Variants in YBX2 observed in about 807,000 individuals in gnomAD.
YBX2 encodes the protein Y-box-binding protein 2.
YBX2 carries 5 observed loss-of-function variants against 44.4 expected under a neutral mutation model. The ratio of observed to expected loss-of-function variants is 0.11; its 90% confidence interval spans 0.06 to 0.24. The LOEUF (loss-of-function observed/expected upper bound fraction) is 0.24. YBX2 is among the 10% of genes least tolerant of loss of function. The pLI is 1.00. For synonymous variants in YBX2, 188 were observed against 216.1 expected (o/e 0.87, Z 1.14); for missense variants, 417 against 526.9 (o/e 0.79, Z 2.04).
chr17:7,291,948 A>G lies in YBX2; in HGVS notation c.369+78T>C. On this transcript the variant is annotated intron_variant, in intron 3 of 8. Transcript: ENST00000007699. The surrounding 1 kb of genome is among the most constrained non-coding windows in gnomAD (Gnocchi z 5.8). ...AAGAAGAGCCAGAGAAACATGGCGG[A>G]GCGCACTGCTAAGGATTACAGCAAA... 6.4e-7 allele frequency: 1 copy of G among 1,565,692 alleles called. No homozygotes were observed. The highest frequency in any genetic ancestry group is 8.8e-7 in the Non-Finnish European group (1 of 1,136,250).
chr17:7,291,007 C>T lies in YBX2; in HGVS notation c.459+86G>A. The T allele has an allele frequency of 1.5e-6, 2 of 1,358,308 alleles. No homozygotes were observed. The highest frequency in any genetic ancestry group is 2.1e-6 in the Non-Finnish European group (2 of 948,810). 84.1% of individuals were successfully genotyped at this position (1,358,308 alleles called of 1,614,324 possible). A position where few individuals can be genotyped will look rare whatever the true frequency, so the allele number is the denominator to read the frequency against. ...TTCCCGCAGAACGGGTCAGAGCTGGCCCCAGGAGGGTCTTAGCCTGTGATG... is the reference window on the plus strand; with the variant it reads ...TTCCCGCAGAACGGGTCAGAGCTGGTCCCAGGAGGGTCTTAGCCTGTGATG... On this transcript the variant is annotated intron_variant, in intron 4 of 8. Transcript: ENST00000007699. The surrounding 1 kb of genome is among the most constrained non-coding windows in gnomAD (Gnocchi z 5.8).
rs1218470429 is a variant in YBX2 at position 7,294,405 on chromosome 17, C to G, written c.96G>C (p.Val32=). The change falls in exon 1 of 9, where the codon GTG becomes GTC. Residue 32 remains valine, a synonymous_variant. Transcript: ENST00000007699. The surrounding 1 kb of genome is among the most constrained non-coding windows in gnomAD (Gnocchi z 4.6). The part of the protein sequence containing the change: ...AAGVVAVVVP[V]PAGEPQKGGG... ...CGCCTTTCTGCGGCTCCCCTGCGGG[C>G]ACCGGTACCACCACCGCTACCACCC... 1.4e-6 allele frequency: 2 copies of G among 1,452,048 alleles called. No homozygotes were observed. The highest frequency in any genetic ancestry group is 1.8e-6 in the Non-Finnish European group (2 of 1,104,762). 89.9% of individuals were successfully genotyped at this position (1,452,048 alleles called of 1,614,324 possible). A position where few individuals can be genotyped will look rare whatever the true frequency, so the allele number is the denominator to read the frequency against.
chr17:7,290,158 T>G (rs1021562318), intron 5 of YBX2, 87 bp from the exon 6 acceptor site: 1 of 1,611,196 alleles, frequency 6.2e-7, no homozygotes, highest in Non-Finnish European at 8.5e-7. Flanking sequence ...AACCCTCAGT[T>G]CCTCCTTCTT....
chr17:7,290,062 T>C lies in YBX2; in HGVS notation c.754A>G (p.Arg252Gly). The change falls in exon 6 of 9, where the codon AGG (arginine) becomes GGG (glycine). Residue 252 changes from arginine to glycine, a missense_variant. Physicochemically the swap from Arg to Gly is moderately radical, Grantham distance 125 (BLOSUM62 -2). Around this residue, in one of 3 missense-constraint regions of YBX2, gnomAD observed 257 missense variants for 261.7 expected, o/e 0.98. Coordinates refer to ENST00000007699, the MANE Select transcript of YBX2 (RefSeq NM_015982.4). The part of the protein sequence containing the change: ...NQQQPIEGTD[R>G]VEPKETAPLE... ...GGGGCTGTCTCTTTGGGTTCTACCC[T>C]GTCAGTGCCCTGGGAACATGCAAAG... The C allele has an allele frequency of 6.2e-7, 1 of 1,614,248 alleles. No individual in the cohort carries two copies. Among genetic ancestry groups the C allele is most frequent in the Non-Finnish European group, 8.5e-7 (1 of 1,180,034 alleles).
intron 7 of YBX2, 123 bp downstream of exon 7, chr17:7,289,407 G>A (rs2072480920): frequency 7.0e-6 from 10 of 1,436,438 alleles, no homozygotes; most frequent in African/African-American, 1.4e-5. Context: ...ATGGAAGAGG[G>A]TGGTGGCAGG....
chr17:7,290,630 C>T, intron 4 of YBX2, 95 bp from the exon 5 acceptor site: 1 of 1,451,028 alleles, frequency 6.9e-7, no homozygotes, highest in South Asian at 1.3e-5. Flanking sequence ...AGACCCCTCT[C>T]CAGCTTTCCT....
rs2072501839 is a variant in YBX2 at position 7,291,559 on chromosome 17, C to G, written c.370-377G>C. ...CAGTCCCAGTGAGAGCTCTTTCCACCAAGCAGTGGTTCTCAAGCTGTAGCG... is the reference window on the plus strand; with the variant it reads ...CAGTCCCAGTGAGAGCTCTTTCCACGAAGCAGTGGTTCTCAAGCTGTAGCG... On this transcript the variant is annotated intron_variant, in intron 3 of 8. Transcript: ENST00000007699. The surrounding 1 kb of genome is among the most constrained non-coding windows in gnomAD (Gnocchi z 5.8). 2.5e-6 allele frequency: 1 copy of G among 392,252 alleles called. No homozygotes were observed. The highest frequency in any genetic ancestry group is 2.1e-5 in the African/African-American group (1 of 48,328). 24.3% of individuals were successfully genotyped at this position (392,252 alleles called of 1,614,324 possible). A position where few individuals can be genotyped will look rare whatever the true frequency, so the allele number is the denominator to read the frequency against.
chr17:7,293,257 C>T (rs781487199), intron 2 of YBX2: 28 of 768,176 alleles, frequency 3.6e-5, no homozygotes, highest in Non-Finnish European at 5.6e-5. Context: ...TGCCAAGTTC[C>T]TGAATCATTA....
In YBX2 at chr17:7,289,596, C is replaced by A. The variant is rs1471130060; in HGVS notation, c.978G>T (p.Gln326His). The A allele has an allele frequency of 6.2e-7, 1 of 1,612,676 alleles. No homozygotes were observed. Among genetic ancestry groups the A allele is most frequent in the African/African-American group, 1.3e-5 (1 of 74,134 alleles). ...GGCCAGGGGCCTGCTGCCGTCTCCG[C>A]TGGAAGTAGGGGCGGTTTCGTGGGC... ...PQRPRNRPYF[Q>H]RRRQQAPGPQ... The change falls in exon 7 of 9, where the codon CAG becomes CAT. Residue 326 changes from glutamine (Q) to histidine (H), a missense_variant. Physicochemically the swap from Gln to His is conservative, Grantham distance 24. Transcript: ENST00000007699.
chr17:7,294,151 G>A lies in YBX2; in HGVS notation c.271+79C>T. ...CGGGCCAGGCCGCCTTTGGTTTTCC[G>A]GATCCTGCCGGGCTCCACACTGCCC... is the stretch of plus-strand genomic sequence containing the variant. On this transcript the variant is annotated intron_variant, in intron 1 of 8. Coordinates refer to ENST00000007699, the MANE Select transcript of YBX2 (RefSeq NM_015982.4). The surrounding 1 kb of genome is among the most constrained non-coding windows in gnomAD (Gnocchi z 4.6). 8.1e-6 allele frequency: 10 copies of A among 1,232,900 alleles called. No homozygotes were observed. Among genetic ancestry groups the A allele is most frequent in the Non-Finnish European group, 9.1e-6 (9 of 988,370 alleles). The allele number at this position is 1,232,900 out of a possible 1,614,324, so 76.4% of individuals were successfully genotyped here.
chr17:7,293,140 G>T, intron 2 of YBX2: 1 of 373,708 alleles, frequency 2.7e-6, no homozygotes. Context: ...GGGCCCTGAG[G>T]CACAGAGAAC....
In YBX2 at chr17:7,290,376, C is replaced by T. The variant is rs2072492705; in HGVS notation, c.619G>A (p.Gly207Ser). 6.2e-7 allele frequency: 1 copy of T among 1,613,906 alleles called. No individual in the cohort carries two copies. The change falls in exon 5 of 9, where the codon GGC becomes AGC. Residue 207 changes from glycine (G) to serine (S), a missense_variant. Gly to Ser is a moderately conservative substitution (Grantham distance 56). Around this residue, in one of 3 missense-constraint regions of YBX2, gnomAD observed 257 missense variants for 261.7 expected, o/e 0.98. Transcript: ENST00000007699. ...AEIPSAGTGP[G>S]SKGERAEDSG... ...TCTTCAGCCCGCTCCCCTTTACTGC[C>T]AGGTCCTGTCCCCGCCGAGGGGATC...
chr17:7,289,826 A>G (rs1483146198), intron 6 of YBX2, 101 bp from the exon 7 acceptor site: 1 of 1,592,814 alleles, frequency 6.3e-7, no homozygotes, highest in African/African-American at 1.3e-5. Context: ...CTTCCAGCCC[A>G]TGAGCACTGC....
At position 7,291,794 on chromosome 17, in the gene YBX2, G is replaced by A. The variant is rs757610703; in HGVS notation, c.369+232C>T. ...CTCAGTGCTTCCTGGAGTGTTAACA[G>A]GTCCCGGTGGGTAGTAAGCGTGCCA... On this transcript the variant is annotated intron_variant, in intron 3 of 8. Coordinates refer to ENST00000007699, the MANE Select transcript of YBX2 (RefSeq NM_015982.4). This position sits in a 1 kb window ranked among gnomAD's most constrained non-coding sequence, Gnocchi z 5.8. 5.0e-5 allele frequency: 29 copies of A among 576,422 alleles called. 1 individual carries two copies. The highest frequency in any genetic ancestry group is 8.8e-5 in the Non-Finnish European group (28 of 319,994). 35.7% of individuals were successfully genotyped at this position (576,422 alleles called of 1,614,324 possible). A position where few individuals can be genotyped will look rare whatever the true frequency, so the allele number is the denominator to read the frequency against.
chr17:7,291,726 T>G lies in YBX2; in HGVS notation c.369+300A>C. 1 of 466,186 alleles carries G rather than the reference T, an allele frequency of 2.1e-6. No homozygotes were observed. The highest frequency in any genetic ancestry group is 3.9e-6 in the Non-Finnish European group (1 of 253,320). 28.9% of individuals were successfully genotyped at this position (466,186 alleles called of 1,614,324 possible). A position where few individuals can be genotyped will look rare whatever the true frequency, so the allele number is the denominator to read the frequency against. On this transcript the variant is annotated intron_variant, in intron 3 of 8. Transcript: ENST00000007699. The surrounding 1 kb of genome is among the most constrained non-coding windows in gnomAD (Gnocchi z 5.8). ...TGCCGCTGGTGCAGGGGCCACGCTT[T>G]GAGAACCACTGCACCCAAGGACCTT...
At chr17:7,290,976 G>C in intron 4 of YBX2, 117 bp downstream of exon 4, 1 of 1,001,508 alleles carries the variant, frequency 1.0e-6, no homozygotes, top group South Asian at 1.3e-5. Flanking sequence ...AGAGAACACA[G>C]TCCCATTCCC....
In YBX2 at chr17:7,291,440, T is replaced by A; in HGVS notation, c.370-258A>T. 2 of 532,522 alleles carry A rather than the reference T, an allele frequency of 3.8e-6. No individual in the cohort carries two copies. Among genetic ancestry groups the A allele is most frequent in the South Asian group, 4.1e-5 (2 of 49,284 alleles). 33.0% of individuals were successfully genotyped at this position (532,522 alleles called of 1,614,324 possible). A position where few individuals can be genotyped will look rare whatever the true frequency, so the allele number is the denominator to read the frequency against. On this transcript the variant is annotated intron_variant, in intron 3 of 8. Coordinates refer to ENST00000007699, the MANE Select transcript of YBX2 (RefSeq NM_015982.4). The surrounding 1 kb of genome is among the most constrained non-coding windows in gnomAD (Gnocchi z 5.8). Reference sequence around the variant, plus strand: ...CCGCCCCGCTTTACCCCTCAGGGATTTCAGAAAGGGAGGCAAGAAATATGA... The same window carrying A: ...CCGCCCCGCTTTACCCCTCAGGGATATCAGAAAGGGAGGCAAGAAATATGA...
intron 6 of YBX2, 36 bp downstream of exon 6, chr17:7,289,932 G>A (rs183065793): frequency 1.2e-6 from 2 of 1,610,818 alleles, no homozygotes; most frequent in African/African-American, 2.7e-5. Flanking sequence ...TCCAACACTG[G>A]AAGGGGAAGA....
intron 7 of YBX2, 37 bp from the exon 8 acceptor site, chr17:7,288,875 T>C (rs2072474975): frequency 6.2e-7 from 1 of 1,612,722 alleles, no homozygotes; most frequent in African/African-American, 1.3e-5. Context: ...ACTTGTTCTT[T>C]TTGTTTTTGA....
Sources: gnomAD v4.1 joint callset for allele counts on GRCh38, gnomAD v4.1.1 for gene constraint, gnomAD v4.1.1 regional missense constraint, Gnocchi (gnomAD v3.1) non-coding constraint, MANE v1.5 for transcripts, NCBI Gene and HGNC (gene_info 2026-07-23, HGNC 2026-07-21) for gene names.